Variants in HFM1 observed in about 807,000 individuals in gnomAD.
The protein encoded by HFM1 is probable ATP-dependent DNA helicase HFM1.
In HFM1, 169 loss-of-function variants were observed where a neutral mutation model predicts 192.1. That is an observed-to-expected ratio of 0.88 (90% CI 0.78 to 1.00). The LOEUF is 1.00. HFM1 is among the 50% of genes least tolerant of loss of function. HFM1 has a pLI of 0.00. For missense variants in HFM1, 1,661 were observed against 1,668.0 expected, an observed-to-expected ratio of 1.00 and a Z score of 0.07; for synonymous variants, 525 against 537.8, an observed-to-expected ratio of 0.98 and a Z score of 0.33.
Position 91,387,643 on chromosome 1 carries a change from A to G in HFM1, c.495-1809T>C, listed in dbSNP as rs1249300585. Among the ~76,000 whole-genome samples, 6 of 151,718 alleles carry G rather than the reference A, an allele frequency of 4.0e-5. No individual in the cohort carries two copies. In the South Asian group the frequency reaches 6.3e-4, roughly 16 times the overall value. Reference sequence around the variant, plus strand: ...GACATGGATGAAATTGGAAACCATCATTCTCAGTAAACTATCGCAAGAACA... The same window carrying G: ...GACATGGATGAAATTGGAAACCATCGTTCTCAGTAAACTATCGCAAGAACA... On this transcript the variant is annotated intron_variant, in intron 4 of 38. Transcript: ENST00000370425.
intron 30 of HFM1, among the ~76,000 whole-genome samples, chr1:91,284,451 C>A (rs971708918): frequency 1.3e-5 from 2 of 152,002 alleles, no homozygotes; most frequent in Non-Finnish European, 2.9e-5. Flanking sequence ...GGGGTTTCAC[C>A]ACATTGGCCA....
chr1:91,263,072 A>G (rs1256930434), intron 36 of HFM1, among the ~76,000 whole-genome samples: 4 of 152,168 alleles, frequency 2.6e-5, no homozygotes, highest in Non-Finnish European at 5.9e-5. Context: ...TATGCCAGAT[A>G]TTGTACTAGA....
At chr1:91,299,351 C>T (rs1238131824) in intron 30 of HFM1, among the ~76,000 whole-genome samples, 1 of 152,108 alleles carries the variant, frequency 6.6e-6, no homozygotes, top group Non-Finnish European at 1.5e-5. Flanking sequence ...TTTCACACCC[C>T]ACTGTCAACA....
intron 34 of HFM1, among the ~76,000 whole-genome samples, chr1:91,269,090 A>G (rs1454756934): frequency 6.6e-6 from 1 of 152,136 alleles, no homozygotes; most frequent in Non-Finnish European, 1.5e-5. Flanking sequence ...TAAGTCTAAA[A>G]AATAAGCAAA....
Position 91,329,050 on chromosome 1 carries a change from A to G in HFM1, c.2336-4284T>C, listed in dbSNP as rs531540476. The G allele has an allele frequency of 6.2e-6, 10 of 1,611,102 alleles. No homozygotes were observed. In the East Asian group the frequency reaches 2.2e-4, roughly 36 times the overall value. The stretch of plus-strand genomic sequence containing the variant: ...AGCTAGAACCAGGAACAGTTTGTGG[A>G]TCTGTGCATCCTGCTAGGCAGTGAC... On this transcript the variant is annotated intron_variant, in intron 20 of 38. Transcript: ENST00000370425.
Position 91,351,541 on chromosome 1 carries a change from TA to T in HFM1, c.2072+7del, listed in dbSNP as rs1457087604. On this transcript the variant is annotated splice_region_variant and intron_variant, in intron 17 of 38. Transcript: ENST00000370425. ...TTAGTATCTTTTTGGAACTTTTTTT[TA>T]TACTACCTGCTTTCTACAGTGTCTC... 6.9e-7 allele frequency: 1 copy of T among 1,454,290 alleles called. No individual in the cohort carries two copies. The highest frequency in any genetic ancestry group is 9.5e-7 in the Non-Finnish European group (1 of 1,056,134). 90.1% of individuals were successfully genotyped at this position (1,454,290 alleles called of 1,614,324 possible). A position where few individuals can be genotyped will look rare whatever the true frequency, so the allele number is the denominator to read the frequency against.
At chr1:91,393,746 A>G (rs1663290883) in intron 4 of HFM1, among the ~76,000 whole-genome samples, 1 of 152,160 alleles carries the variant, frequency 6.6e-6, no homozygotes, top group Non-Finnish European at 1.5e-5. Context: ...TAAAGAAAAG[A>G]AAGTCTAATT....
At position 91,394,092 on chromosome 1, in the gene HFM1, C is replaced by T; in HGVS notation, c.494+1G>A. On this transcript the variant is annotated splice_donor_variant, in intron 4 of 38. Transcript: ENST00000370425. LOFTEE classifies it high-confidence loss of function. ...TTATTTAGTTTAATTATAATAATTA[C>T]CTTTTCCGGAATACTGATGTGCTCT... is the stretch of plus-strand genomic sequence containing the variant. The T allele has an allele frequency of 1.4e-6, 2 of 1,453,752 alleles. No individual in the cohort carries two copies. Among genetic ancestry groups the T allele is most frequent in the Non-Finnish European group, 1.9e-6 (2 of 1,064,778 alleles). The allele number at this position is 1,453,752 out of a possible 1,614,324, so 90.1% of individuals were successfully genotyped here.
In HFM1 at chr1:91,343,124, G is replaced by A. The variant is rs527438107; in HGVS notation, c.2335+306C>T. Among the ~76,000 whole-genome samples, 832 of 151,414 alleles carry A rather than the reference G, an allele frequency of 5.5e-3. 5 individuals are homozygous for A. The highest frequency in any genetic ancestry group is 0.019 in the African/African-American group (795 of 41,316). ...CAGGCGCCTGTAGTCCCAGCTACTCGGGAGGCTGAGGCAGGAGAATGGCAT... is the reference window on the plus strand; with the variant it reads ...CAGGCGCCTGTAGTCCCAGCTACTCAGGAGGCTGAGGCAGGAGAATGGCAT... On this transcript the variant is annotated intron_variant, in intron 20 of 38. Coordinates refer to ENST00000370425, the MANE Select transcript of HFM1 (RefSeq NM_001017975.6).
chr1:91,334,821 C>A (rs192370027), intron 20 of HFM1, among the ~76,000 whole-genome samples: 14,504 of 151,338 alleles, frequency 0.096, 691 homozygotes, highest in East Asian at 0.16. Context: ...CCCAGCTACT[C>A]AGGAGGCTGA....
At chr1:91,261,938 T>G (rs1297602989) in intron 38 of HFM1, among the ~76,000 whole-genome samples, 1 of 152,208 alleles carries the variant, frequency 6.6e-6, no homozygotes, top group Non-Finnish European at 1.5e-5. Flanking sequence ...TCTGGATTTC[T>G]CAAGTGACTT....
chr1:91,385,979 T>C (rs1182106074), intron 4 of HFM1, 145 bp from the exon 5 acceptor site: 20 of 646,794 alleles, frequency 3.1e-5, no homozygotes, highest in Non-Finnish European at 5.1e-5. Context: ...TCCTAAAATA[T>C]AACTTGCTAG....
chr1:91,364,632 A>ATATATATATATATTTTT (rs753472335), intron 13 of HFM1, among the ~76,000 whole-genome samples: 1 of 66,814 alleles, frequency 1.5e-5, no homozygotes, highest in Non-Finnish European at 2.5e-5. Context: ...ATATATATAT[A>ATATATATATATATTTTT]TTTTTTTTTT....
chr1:91,292,256 C>T (rs1668853857), intron 30 of HFM1, among the ~76,000 whole-genome samples: 1 of 139,914 alleles, frequency 7.1e-6, no homozygotes, highest in South Asian at 2.5e-4. Context: ...AAGAGGAAGT[C>T]AAATTGTCCC....
At chr1:91,363,596 A>T (rs1658829742) in intron 13 of HFM1, among the ~76,000 whole-genome samples, 1 of 152,156 alleles carries the variant, frequency 6.6e-6, no homozygotes, top group South Asian at 2.1e-4. Flanking sequence ...TGTAGTGTAA[A>T]TTAGTTCAAC....
chr1:91,289,617 T>C (rs574778585), intron 30 of HFM1, among the ~76,000 whole-genome samples: 21 of 152,234 alleles, frequency 1.4e-4, no homozygotes, highest in South Asian at 1.2e-3. Context: ...CCTGGCACCT[T>C]GGGAGGCTGA....
Position 91,378,490 on chromosome 1 carries a change from A to G in HFM1, c.1159-10T>C, listed in dbSNP as rs764027876. 184 of 1,535,930 alleles carry G rather than the reference A, an allele frequency of 1.2e-4. 2 individuals are homozygous for G. The highest frequency in any genetic ancestry group is 9.6e-5 in the Non-Finnish European group (107 of 1,113,212). Reference sequence around the variant, plus strand: ...TGCTATCCCATTTTTCCTAGAGAGAAAAAAAAGCATACAAGTAGTTTAATG... The same window carrying G: ...TGCTATCCCATTTTTCCTAGAGAGAGAAAAAAGCATACAAGTAGTTTAATG... On this transcript the variant is annotated splice_polypyrimidine_tract_variant and intron_variant, in intron 9 of 38. Coordinates refer to ENST00000370425, the MANE Select transcript of HFM1 (RefSeq NM_001017975.6).
intron 13 of HFM1, among the ~76,000 whole-genome samples, chr1:91,355,946 A>G (rs282057): frequency 0.69 from 105,562 of 152,024 alleles, 37,186 homozygotes; most frequent in African/African-American, 0.81. Context: ...AACATTCTAC[A>G]GGACAGATCA....
intron 36 of HFM1, among the ~76,000 whole-genome samples, chr1:91,265,189 G>A (rs1665638195): frequency 6.6e-6 from 1 of 152,052 alleles, no homozygotes; most frequent in Non-Finnish European, 1.5e-5. Context: ...TATTTTGGAT[G>A]GTTTCTCACT....
Sources: allele counts gnomAD v4.1 joint callset (sites outside exome capture counted in the v4.1 genomes callset), GRCh38; gene constraint gnomAD v4.1.1; transcripts MANE v1.5; gene names NCBI Gene and HGNC (gene_info 2026-07-23, HGNC 2026-07-21).